Variants in CEP170 observed in about 807,000 individuals in gnomAD.
CEP170 encodes centrosomal protein of 170 kDa.
CEP170 carries 21 observed loss-of-function variants against 151.9 expected under a neutral mutation model. The observed-to-expected ratio is 0.14, with a 90% CI of 0.10 to 0.20. The LOEUF is 0.20. Among genes scored for constraint, CEP170 ranks in the 10% least tolerant of loss-of-function variants. The pLI, the probability that CEP170 is intolerant of heterozygous loss-of-function variation, is 1.00. For synonymous variants in CEP170, 356 were observed against 648.8 expected (o/e 0.55, Z 6.86); for missense variants, 964 against 1,892.9 (o/e 0.51, Z 9.11).
intron 4 of CEP170, among the ~76,000 whole-genome samples, chr1:243,204,533 T>C (rs1237298001): frequency 3.9e-5 from 6 of 152,218 alleles, no homozygotes; most frequent in African/African-American, 1.2e-4. Flanking sequence ...CGGGTGGATC[T>C]TGTGATTCAA....
At chr1:243,214,982 TG>T (rs1344742724) in intron 3 of CEP170, among the ~76,000 whole-genome samples, 1 of 152,222 alleles carries the variant, frequency 6.6e-6, no homozygotes, top group Non-Finnish European at 1.5e-5. Flanking sequence ...GCTGAAGCCA[TG>T]GCAGAAGAAC....
intron 1 of CEP170, among the ~76,000 whole-genome samples, chr1:243,244,678 C>T (rs368977952): frequency 6.6e-5 from 10 of 151,844 alleles, no homozygotes; most frequent in East Asian, 1.9e-4. Context: ...CCCACGAGAT[C>T]GAGGCTGCAG....
Position 243,246,262 on chromosome 1 carries a change from C to T in CEP170, c.-42+8778G>A, listed in dbSNP as rs546652654. ...TTTTTTTTTTTTTGAGACAGAGTCTCGCTCTGCCACCCAGGCTGGAGTGCA... is the reference window on the plus strand; with the variant it reads ...TTTTTTTTTTTTTGAGACAGAGTCTTGCTCTGCCACCCAGGCTGGAGTGCA... On this transcript the variant is annotated intron_variant, in intron 1 of 19. Transcript: ENST00000366542. Among the ~76,000 whole-genome samples, 15 of 132,834 alleles carry T rather than the reference C, an allele frequency of 1.1e-4. 1 individual carries two copies. The highest frequency in any genetic ancestry group is 4.2e-4 in the African/African-American group (14 of 33,234). 87.1% of individuals were successfully genotyped at this position (132,834 alleles called of 152,430 possible).
chr1:243,219,344 C>A (rs139300613), intron 3 of CEP170, among the ~76,000 whole-genome samples: 9 of 152,174 alleles, frequency 5.9e-5, no homozygotes, highest in Non-Finnish European at 1.2e-4. Flanking sequence ...TATGAGGAAA[C>A]TGAATTTCAG....
At chr1:243,139,798 G>A (rs2055609855) in intron 16 of CEP170, 139 bp downstream of exon 16, 2 of 667,986 alleles carry the variant, frequency 3.0e-6, no homozygotes, top group Non-Finnish European at 4.8e-6. Context: ...TGTATATGAT[G>A]TGATGTCATG....
At chr1:243,227,629 G>A (rs985611769) in intron 1 of CEP170, among the ~76,000 whole-genome samples, 1 of 152,168 alleles carries the variant, frequency 6.6e-6, no homozygotes, top group Non-Finnish European at 1.5e-5. Flanking sequence ...AAACTCAGGA[G>A]TATACAGCAA....
At chr1:243,227,781 G>A (rs1056498582) in intron 1 of CEP170, among the ~76,000 whole-genome samples, 1 of 152,156 alleles carries the variant, frequency 6.6e-6, no homozygotes, top group Non-Finnish European at 1.5e-5. Context: ...ATGTCATTAC[G>A]AAAAAGGTTT....
intron 7 of CEP170, among the ~76,000 whole-genome samples, chr1:243,196,855 G>A (rs2060686287): frequency 6.6e-6 from 1 of 152,074 alleles, no homozygotes; most frequent in African/African-American, 2.4e-5. Flanking sequence ...ACATCATTTA[G>A]AATGTATCTC....
At chr1:243,204,727 T>A (rs977493015) in intron 4 of CEP170, among the ~76,000 whole-genome samples, 6 of 152,160 alleles carry the variant, frequency 3.9e-5, no homozygotes, top group Non-Finnish European at 7.3e-5. Context: ...TCTATATTCA[T>A]TCCCTTAATG....
chr1:243,213,446 G>C (rs1293702627), intron 3 of CEP170, among the ~76,000 whole-genome samples: 2 of 152,054 alleles, frequency 1.3e-5, no homozygotes, highest in African/African-American at 4.8e-5. Context: ...AAAACAGGAA[G>C]ATATTTCATA....
intron 14 of CEP170, among the ~76,000 whole-genome samples, chr1:243,147,639 T>C (rs1315553899): frequency 6.6e-6 from 1 of 152,232 alleles, no homozygotes; most frequent in Non-Finnish European, 1.5e-5. Flanking sequence ...ATATGGATCC[T>C]TGAAATGTTT....
Position 243,197,485 on chromosome 1 carries a change from T to C in CEP170, c.631+1575A>G, listed in dbSNP as rs577133153. Among the ~76,000 whole-genome samples the C allele has an allele frequency of 2.0e-5, 3 of 152,228 alleles. No homozygotes were observed. The South Asian group carries it at 6.2e-4, about 32-fold the overall frequency. ...TAAGCAGGTGACCCTCTCCTGAACCTGTGAGAGGCCAATGAGATGAGAGAT... is the reference window on the plus strand; with the variant it reads ...TAAGCAGGTGACCCTCTCCTGAACCCGTGAGAGGCCAATGAGATGAGAGAT... On this transcript the variant is annotated intron_variant, in intron 7 of 19. Transcript: ENST00000366542.
chr1:243,173,035 G>T (rs1442680565), intron 10 of CEP170, among the ~76,000 whole-genome samples, 189 bp from the exon 11 acceptor site: 5 of 151,782 alleles, frequency 3.3e-5, no homozygotes, highest in Non-Finnish European at 7.4e-5. Context: ...ACGAAAGCAG[G>T]CAGTCACAGC....
At chr1:243,133,727 C>T (rs138768081) in intron 17 of CEP170, among the ~76,000 whole-genome samples, 73 of 152,148 alleles carry the variant, frequency 4.8e-4, no homozygotes, top group African/African-American at 1.4e-3. Context: ...ATGGGTTGTA[C>T]GGTGAAGGGG....
Position 243,196,524 on chromosome 1 carries a change from C to T in CEP170, c.631+2536G>A, listed in dbSNP as rs764908688. ...GCCTTCTGTACAAAAATTACATATA[C>T]ACTTCACTGTATGTTAGAAGTTACG... On this transcript the variant is annotated intron_variant, in intron 7 of 19. Coordinates refer to ENST00000366542, the MANE Select transcript of CEP170 (RefSeq NM_014812.3). 1.0e-3 allele frequency among the ~76,000 whole-genome samples: 156 copies of T among 152,228 alleles called. 1 individual carries two copies. Among genetic ancestry groups the T allele is most frequent in the Non-Finnish European group, 1.0e-3 (69 of 68,000 alleles).
At chr1:243,251,556 T>C (rs577560473) in intron 1 of CEP170, among the ~76,000 whole-genome samples, 2 of 152,242 alleles carry the variant, frequency 1.3e-5, no homozygotes, top group African/African-American at 2.4e-5. Flanking sequence ...CACACACACA[T>C]AAACTTCCTG....
chr1:243,132,461 TC>T (rs1472995967), intron 17 of CEP170, among the ~76,000 whole-genome samples: 1 of 152,232 alleles, frequency 6.6e-6, no homozygotes, highest in African/African-American at 2.4e-5. Flanking sequence ...GGTTTTATCC[TC>T]ATTACCTTCC....
At position 243,136,205 on chromosome 1, in the gene CEP170, T is replaced by A; in HGVS notation, c.4257A>T (p.Ser1419=). Residue 1419 remains serine (S), a synonymous_variant, in exon 17 of 20, where the codon TCA becomes TCT. Coordinates refer to ENST00000366542, the MANE Select transcript of CEP170 (RefSeq NM_014812.3). Reference sequence around the variant, plus strand: ...TCTTCTTAGAGAACTGAAAGACGGATGACAGCAGCAGATTATCTCCCATGA... The same window carrying A: ...TCTTCTTAGAGAACTGAAAGACGGAAGACAGCAGCAGATTATCTCCCATGA... ...DEVMGDNLLL[S]SVFQFSKKIR... is the part of the protein sequence containing the mutation. The A allele has an allele frequency of 6.5e-7, 1 of 1,540,742 alleles. No individual in the cohort carries two copies. The highest frequency in any genetic ancestry group is 8.8e-7 in the Non-Finnish European group (1 of 1,141,234).
intron 3 of CEP170, among the ~76,000 whole-genome samples, chr1:243,215,500 T>C (rs369655912): frequency 6.5e-4 from 99 of 152,264 alleles, no homozygotes; most frequent in African/African-American, 2.3e-3. Flanking sequence ...TCTTTTACGG[T>C]TGGAGATAAG....
Sources: gnomAD v4.1 joint callset for allele counts (sites outside exome capture counted in the v4.1 genomes callset) on GRCh38, gnomAD v4.1.1 for gene constraint, MANE v1.5 for transcripts, NCBI Gene and HGNC (gene_info 2026-07-23, HGNC 2026-07-21) for gene names.